ADAM22: variants seen among roughly 807,000 people sequenced by gnomAD.
ADAM22 encodes ADAM metallopeptidase domain 22, also known as disintegrin and metalloproteinase domain-containing protein 22.
ADAM22 carries 65 observed loss-of-function variants against 144.6 expected under a neutral mutation model. The observed-to-expected ratio is 0.45, with a 90% CI of 0.37 to 0.55. The LOEUF is 0.55. Ranked by LOEUF, ADAM22 falls within the 20% of genes least tolerant of loss-of-function variation. The pLI is 0.00. For missense variants in ADAM22, 974 were observed against 1,184.9 expected, an observed-to-expected ratio of 0.82 and a Z score of 2.61; for synonymous variants, 391 against 412.6, an observed-to-expected ratio of 0.95 and a Z score of 0.63.
chr7:88,193,206 T>C lies in ADAM22; in HGVS notation c.2841T>C (p.Asp947=), dbSNP rs1200029879. ...KYPYPMPPLP[D]EDKKVNRQSA... ...CTTACCCAATGCCTCCACTTCCTGATGAGGACAAGAAAGTGAACCGACAAA... is the reference window on the plus strand; with the variant it reads ...CTTACCCAATGCCTCCACTTCCTGACGAGGACAAGAAAGTGAACCGACAAA... Residue 947 remains aspartate, a synonymous_variant, in exon 31 of 32, where the codon GAT becomes GAC. Coordinates refer to ENST00000413139, the MANE Select transcript of ADAM22 (RefSeq NM_001324418.2). The C allele has an allele frequency of 6.2e-7, 1 of 1,614,108 alleles. No homozygotes were observed. The highest frequency in any genetic ancestry group is 1.3e-5 in the African/African-American group (1 of 75,056).
intron 3 of ADAM22, among the ~76,000 whole-genome samples, chr7:87,990,512 C>T (rs1789537098): frequency 6.6e-6 from 1 of 152,046 alleles, no homozygotes; most frequent in Non-Finnish European, 1.5e-5. Flanking sequence ...AGAACATTAC[C>T]AGTATCCCAC....
In ADAM22 at chr7:87,993,497, A is replaced by G. The variant is rs140032825; in HGVS notation, c.323+15085A>G. ...ATAATAGCCCTGGGCACACTGTGAA[A>G]TTCATTTCTTCAGCTGACTTACTCT... On this transcript the variant is annotated intron_variant, in intron 3 of 31. Coordinates refer to ENST00000413139, the MANE Select transcript of ADAM22 (RefSeq NM_001324418.2). Among the ~76,000 whole-genome samples the G allele has an allele frequency of 9.2e-3, 1,407 of 152,304 alleles. 19 individuals carry two copies. The highest frequency in any genetic ancestry group is 0.032 in the African/African-American group (1,346 of 41,554).
intron 20 of ADAM22, among the ~76,000 whole-genome samples, chr7:88,152,771 C>T (rs983061731): frequency 1.8e-4 from 28 of 151,946 alleles, no homozygotes; most frequent in Admixed American, 1.4e-3. Context: ...CTCTGCCTCC[C>T]GGGTTCAAGC....
intron 3 of ADAM22, among the ~76,000 whole-genome samples, chr7:87,992,569 T>C (rs1790157881): frequency 6.6e-6 from 1 of 152,228 alleles, no homozygotes; most frequent in Admixed American, 6.5e-5. Flanking sequence ...CTTTGATTAG[T>C]GGTTTTGATT....
At chr7:87,972,616 G>A (rs529825165) in intron 2 of ADAM22, among the ~76,000 whole-genome samples, 3,005 of 152,208 alleles carry the variant, frequency 0.02, 46 homozygotes, top group Middle Eastern at 0.031. Flanking sequence ...AAAAGAGCCC[G>A]CATCGCCAAG....
intron 3 of ADAM22, among the ~76,000 whole-genome samples, chr7:88,015,436 C>G (rs973496887): frequency 5.9e-5 from 9 of 152,168 alleles, no homozygotes; most frequent in Non-Finnish European, 5.9e-5. Flanking sequence ...CCCTGCTGCC[C>G]TTAGTTGTAC....
chr7:88,155,471 A>G (rs1037238626), intron 21 of ADAM22, among the ~76,000 whole-genome samples: 5 of 151,530 alleles, frequency 3.3e-5, no homozygotes, highest in Admixed American at 6.6e-5. Flanking sequence ...GCAGTGAGCC[A>G]TGATTACACC....
intron 3 of ADAM22, among the ~76,000 whole-genome samples, chr7:88,032,292 G>A (rs1017532538): frequency 2.0e-5 from 3 of 152,200 alleles, no homozygotes; most frequent in Non-Finnish European, 4.4e-5. Flanking sequence ...AGGGACTTGG[G>A]AGCCCACTTT....
rs1438792315 is a variant in ADAM22, at chr7:88,185,051, C to T, written c.2664-1564C>T. ...GGCTTTTTCTACGGTTTTCCCCAGG[C>T]CGGAGCATTCACTAGCCTTCATTTG... On this transcript the variant is annotated intron_variant, in intron 29 of 31. Transcript: ENST00000413139. 2.6e-5 allele frequency among the ~76,000 whole-genome samples: 4 copies of T among 152,300 alleles called. 1 individual carries two copies. The East Asian group carries it at 7.7e-4, about 29-fold the overall frequency.
At chr7:88,178,254 C>G (rs986774837) in intron 26 of ADAM22, among the ~76,000 whole-genome samples, 10 of 152,128 alleles carry the variant, frequency 6.6e-5, no homozygotes, top group African/African-American at 1.9e-4. Context: ...TCTATAGTTT[C>G]AGCAAAAATT....
intron 4 of ADAM22, among the ~76,000 whole-genome samples, chr7:88,095,699 T>C (rs1821066441): frequency 6.6e-6 from 1 of 152,114 alleles, no homozygotes. Flanking sequence ...TCGTGAAATG[T>C]TTTAAACATG....
rs1156555258 is a variant in ADAM22, at chr7:88,171,459, T to A, written c.2283-85T>A. ...GACTTTTCAATGAAAGCTAGAGCTT[T>A]TATGTTTAGAGCTCCCTCTTGATGT... is the stretch of plus-strand genomic sequence containing the variant. On this transcript the variant is annotated intron_variant, in intron 25 of 31. Transcript: ENST00000413139. 9 of 1,253,704 alleles carry A rather than the reference T, an allele frequency of 7.2e-6. No individual in the cohort carries two copies. The Admixed American group carries it at 2.2e-4, about 30-fold the overall frequency. 77.7% of individuals were successfully genotyped at this position (1,253,704 alleles called of 1,614,324 possible).
Position 88,139,977 on chromosome 7 carries a change from A to G in ADAM22, c.1221-3049A>G, listed in dbSNP as rs1274902804. Among the ~76,000 whole-genome samples the G allele has an allele frequency of 2.0e-5, 3 of 152,162 alleles. No individual in the cohort carries two copies. In the East Asian group the frequency reaches 5.8e-4, roughly 29 times the overall value. ...CTTGGCTCACAGTTCTGCAGGCTGT[A>G]CAAGCATGGCACCAGCATCTGCTTG... On this transcript the variant is annotated intron_variant, in intron 14 of 31. Transcript: ENST00000413139.
chr7:88,001,036 G>T (rs1584933464), intron 3 of ADAM22, among the ~76,000 whole-genome samples: 4 of 152,276 alleles, frequency 2.6e-5, no homozygotes, highest in South Asian at 4.1e-4. Context: ...GGGCTAAGAA[G>T]AATTGAGATT....
intron 19 of ADAM22, 46 bp downstream of exon 19, chr7:88,151,077 G>T: frequency 6.3e-7 from 1 of 1,581,912 alleles, no homozygotes; most frequent in South Asian, 1.1e-5. Context: ...GTACCAGCAT[G>T]AAAGGAATAC....
At chr7:88,061,636 A>G (rs1369823014) in intron 3 of ADAM22, among the ~76,000 whole-genome samples, 1 of 152,102 alleles carries the variant, frequency 6.6e-6, no homozygotes, top group Non-Finnish European at 1.5e-5. Context: ...CGGGCTGAAA[A>G]TATTCAGTAA....
At chr7:88,005,926 T>C (rs920333712) in intron 3 of ADAM22, among the ~76,000 whole-genome samples, 56 of 152,066 alleles carry the variant, frequency 3.7e-4, no homozygotes, top group Non-Finnish European at 6.8e-4. Context: ...CACAAAAACC[T>C]AGAAATATAA....
At chr7:88,094,688 G>T (rs932813475) in intron 4 of ADAM22, among the ~76,000 whole-genome samples, 4 of 152,180 alleles carry the variant, frequency 2.6e-5, no homozygotes, top group Non-Finnish European at 5.9e-5. Flanking sequence ...AATTCTGAGT[G>T]GGGTTAATAG....
In ADAM22 at chr7:88,201,763, A is replaced by T. The variant is rs1036352608; in HGVS notation, c.*5272A>T. 10 of 152,246 alleles carry T rather than the reference A, an allele frequency of 6.6e-5. No individual in the cohort carries two copies. The highest frequency in any genetic ancestry group is 4.1e-4 in the South Asian group (2 of 4,834). The allele number at this position is 152,246 out of a possible 1,614,324, so 9.4% of individuals were successfully genotyped here. A position where few individuals can be genotyped will look rare whatever the true frequency, so the allele number is the denominator to read the frequency against. On this transcript the variant is annotated 3_prime_UTR_variant, in exon 32 of 32. Coordinates refer to ENST00000413139, the MANE Select transcript of ADAM22 (RefSeq NM_001324418.2). ...ATGTGTGTTTTTGGTTTTGTTTTAC[A>T]AAAAGGCATACAATGAGACGAATTC...
Sources: gnomAD v4.1 joint callset for allele counts (sites outside exome capture counted in the v4.1 genomes callset) on GRCh38, gnomAD v4.1.1 for gene constraint, MANE v1.5 for transcripts, NCBI Gene and HGNC (gene_info 2026-07-23, HGNC 2026-07-21) for gene names.